The following POU6F2 variants were observed in gnomAD, a reference collection of about 807,000 sequenced individuals.
POU6F2 encodes POU class 6 homeobox 2, also known as POU domain, class 6, transcription factor 2.
A neutral mutation model predicts 71.3 loss-of-function variants in POU6F2; 31 were observed. The ratio of observed to expected loss-of-function variants is 0.43; its 90% CI spans 0.33 to 0.59. The LOEUF (loss-of-function observed/expected upper bound fraction) is 0.59. Among genes scored for constraint, POU6F2 ranks in the 20% least tolerant of loss-of-function variants. The pLI, the probability that POU6F2 is intolerant of heterozygous loss-of-function variation, is 0.04. For synonymous variants in POU6F2, 347 were observed against 355.7 expected (o/e 0.98, Z 0.27); for missense variants, 783 against 856.8 (o/e 0.91, Z 1.07).
intron 2 of POU6F2, among the ~76,000 whole-genome samples, chr7:39,100,155 C>T (rs1791537224): frequency 6.6e-6 from 1 of 152,170 alleles, no homozygotes; most frequent in Admixed American, 6.5e-5. Flanking sequence ...ATTTTCATAG[C>T]CAATGTTTAA....
At chr7:39,315,927 CT>C (rs1785258651) in intron 4 of POU6F2, among the ~76,000 whole-genome samples, 1 of 152,092 alleles carries the variant, frequency 6.6e-6, no homozygotes, top group African/African-American at 2.4e-5. Flanking sequence ...AATGGTTTTT[CT>C]TTTTGATATA....
rs1184432927 is a variant in POU6F2 at position 39,465,320 on chromosome 7, G to GTCTCC, written c.*634_*635insTCTCC. 1 of 152,310 alleles carries GTCTCC rather than the reference G, an allele frequency of 6.6e-6. No individual in the cohort carries two copies. Among genetic ancestry groups the GTCTCC allele is most frequent in the African/African-American group, 2.4e-5 (1 of 41,446 alleles). The allele number at this position is 152,310 out of a possible 1,614,324, so 9.4% of individuals were successfully genotyped here. A position where few individuals can be genotyped will look rare whatever the true frequency, so the allele number is the denominator to read the frequency against. The stretch of plus-strand genomic sequence containing the variant: ...GTACTAACAGAACAATAGGAAGCCT[G>GTCTCC]ATTTCTCCCATCTTTCCCATCTACT... On this transcript the variant is annotated 3_prime_UTR_variant, in exon 10 of 10. Transcript: ENST00000518318.
At chr7:39,069,023 G>C (rs1291638884) in intron 1 of POU6F2, among the ~76,000 whole-genome samples, 1 of 152,146 alleles carries the variant, frequency 6.6e-6, no homozygotes, top group African/African-American at 2.4e-5. Flanking sequence ...AAAAATTGTG[G>C]AGAGTGGACC....
chr7:39,234,096 A>G (rs999365673), intron 4 of POU6F2, among the ~76,000 whole-genome samples: 3 of 152,194 alleles, frequency 2.0e-5, no homozygotes, highest in Non-Finnish European at 4.4e-5. Flanking sequence ...TTTGTAGACA[A>G]TCAGCCCAGG....
chr7:39,036,464 T>G (rs11768329), intron 1 of POU6F2, among the ~76,000 whole-genome samples: 25,444 of 152,086 alleles, frequency 0.17, 2,526 homozygotes, highest in Non-Finnish European at 0.23. Flanking sequence ...CCATTTACAT[T>G]TATTCTACAT....
intron 5 of POU6F2, among the ~76,000 whole-genome samples, chr7:39,360,838 A>G (rs758689901): frequency 6.6e-6 from 1 of 152,178 alleles, no homozygotes; most frequent in Non-Finnish European, 1.5e-5. Context: ...GTAAACTCTC[A>G]TGGTGCTGGT....
At chr7:38,984,568 G>T (rs1398647776) in intron 1 of POU6F2, among the ~76,000 whole-genome samples, 2 of 152,026 alleles carry the variant, frequency 1.3e-5, no homozygotes, top group Non-Finnish European at 2.9e-5. Context: ...GAAATAATAC[G>T]TTAGCACAGG....
chr7:39,341,807 G>GCCAGTGAGATCCCAGTGAAGACAAGC (rs1354560739), intron 5 of POU6F2, among the ~76,000 whole-genome samples: 2 of 152,122 alleles, frequency 1.3e-5, no homozygotes, highest in African/African-American at 4.8e-5. Flanking sequence ...ATTTCTGTTG[G>GCCAGTGAGATCCCAGTGAAGACAAGC]CCAGTGAGAT....
intron 7 of POU6F2, among the ~76,000 whole-genome samples, chr7:39,433,572 A>T (rs1204864073): frequency 6.6e-6 from 1 of 152,198 alleles, no homozygotes; most frequent in East Asian, 1.9e-4. Flanking sequence ...TGTGCTCAAG[A>T]TACTTAATTT....
intron 1 of POU6F2, among the ~76,000 whole-genome samples, chr7:39,036,926 G>T (rs953334482): frequency 2.8e-4 from 42 of 151,388 alleles, no homozygotes; most frequent in African/African-American, 1.0e-3. Context: ...TAGGTTCAAG[G>T]GTACATGTGC....
chr7:39,003,085 G>A (rs1268849403), intron 1 of POU6F2, among the ~76,000 whole-genome samples: 2 of 152,092 alleles, frequency 1.3e-5, no homozygotes, highest in African/African-American at 4.8e-5. Context: ...TAGTTAACCA[G>A]ACAAAGCAGA....
rs572674257 is a variant in POU6F2 at position 39,053,973 on chromosome 7, C to T, written c.106-31887C>T. Among the ~76,000 whole-genome samples, 15 of 151,832 alleles carry T rather than the reference C, an allele frequency of 9.9e-5. No homozygotes were observed. In the South Asian group the frequency reaches 2.7e-3, roughly 27 times the overall value. On this transcript the variant is annotated intron_variant, in intron 1 of 9. Transcript: ENST00000518318. ...CAAAAATTAGCCAGGCGTGGTGGCACGTGCCTGTAGTACTAGCTACTAGGG... is the reference window on the plus strand; with the variant it reads ...CAAAAATTAGCCAGGCGTGGTGGCATGTGCCTGTAGTACTAGCTACTAGGG...
chr7:39,075,874 T>C (rs1310309261), intron 1 of POU6F2, among the ~76,000 whole-genome samples: 1 of 152,202 alleles, frequency 6.6e-6, no homozygotes, highest in East Asian at 1.9e-4. Flanking sequence ...CTTCTCCCAT[T>C]CAACTTCAGT....
At chr7:39,434,070 A>G (rs1788172411) in intron 7 of POU6F2, among the ~76,000 whole-genome samples, 2 of 152,224 alleles carry the variant, frequency 1.3e-5, no homozygotes, top group Admixed American at 1.3e-4. Flanking sequence ...GTATCACCAC[A>G]GAGTTGGAAG....
intron 5 of POU6F2, among the ~76,000 whole-genome samples, chr7:39,358,943 G>T (rs1169410979): frequency 6.6e-6 from 1 of 150,890 alleles, no homozygotes; most frequent in Non-Finnish European, 1.5e-5. Flanking sequence ...CTTTGGAACA[G>T]ATAATAAAGA....
At chr7:39,267,254 G>C (rs544684492) in intron 4 of POU6F2, among the ~76,000 whole-genome samples, 1 of 152,176 alleles carries the variant, frequency 6.6e-6, no homozygotes, top group Non-Finnish European at 1.5e-5. Flanking sequence ...TTACAGTGTA[G>C]GAAAAGCAAA....
In POU6F2 at chr7:39,209,919, C is replaced by T. The variant is rs10231896; in HGVS notation, c.598+2299C>T. ...GCTAGTCTTCAGGATGACCTCAAAT[C>T]TCATCCTCTCTCAAAGGTGAGAGTT... On this transcript the variant is annotated intron_variant, in intron 4 of 9. Transcript: ENST00000518318. Among the ~76,000 whole-genome samples, 243 of 152,264 alleles carry T rather than the reference C, an allele frequency of 1.6e-3. 1 individual carries two copies. The highest frequency in any genetic ancestry group is 5.4e-3 in the African/African-American group (226 of 41,550).
At chr7:39,423,033 A>T (rs1562546431) in intron 6 of POU6F2, among the ~76,000 whole-genome samples, 1 of 152,214 alleles carries the variant, frequency 6.6e-6, no homozygotes, top group Non-Finnish European at 1.5e-5. Context: ...AAAAATGAGT[A>T]GACATTTCAA....
intron 4 of POU6F2, 54 bp from the exon 5 acceptor site, chr7:39,339,588 A>G: frequency 6.5e-7 from 1 of 1,532,260 alleles, no homozygotes; most frequent in Non-Finnish European, 8.7e-7. Context: ...GTCAAGACCC[A>G]GCAAGACACT....
Sources: allele counts gnomAD v4.1 joint callset (sites outside exome capture counted in the v4.1 genomes callset), GRCh38; gene constraint gnomAD v4.1.1; transcripts MANE v1.5; gene names NCBI Gene and HGNC (gene_info 2026-07-23, HGNC 2026-07-21).